The following PLCE1 variants were observed in gnomAD, a reference collection of about 807,000 sequenced individuals.
The protein encoded by PLCE1 is phospholipase C epsilon 1.
A neutral mutation model predicts 242.8 loss-of-function variants in PLCE1; 119 were observed. That is an observed-to-expected ratio of 0.49 (90% confidence interval 0.42 to 0.57). The LOEUF (loss-of-function observed/expected upper bound fraction) is 0.57. PLCE1 is among the 20% of genes least tolerant of loss of function. PLCE1 has a pLI of 0.00. For synonymous variants in PLCE1, 945 were observed against 1,017.4 expected, an observed-to-expected ratio of 0.93 and a Z score of 1.35; for missense variants, 2,441 against 2,788.8, an observed-to-expected ratio of 0.88 and a Z score of 2.81.
chr10:94,231,579 T>C (rs9325467), intron 5 of PLCE1, among the ~76,000 whole-genome samples: 98,276 of 145,816 alleles, frequency 0.67, 32,367 homozygotes, highest in East Asian at 0.92. Flanking sequence ...GTCTTGCAAA[T>C]TTAAGGCTGT....
chr10:94,067,509 G>A (rs1439807229), intron 2 of PLCE1, among the ~76,000 whole-genome samples: 1 of 152,150 alleles, frequency 6.6e-6, no homozygotes, highest in African/African-American at 2.4e-5. Context: ...TCAGGTTCAA[G>A]GCAGGATACA....
At chr10:94,204,911 A>G (rs796870787) in intron 4 of PLCE1, among the ~76,000 whole-genome samples, 40 of 152,320 alleles carry the variant, frequency 2.6e-4, no homozygotes, top group African/African-American at 9.4e-4. Context: ...TTGATTGTTA[A>G]TAAAAAGACA....
At chr10:94,271,555 C>T (rs1330659863) in intron 18 of PLCE1, among the ~76,000 whole-genome samples, 2 of 151,874 alleles carry the variant, frequency 1.3e-5, no homozygotes, top group East Asian at 3.9e-4. Flanking sequence ...ACCTCATGAT[C>T]CACCCACCTC....
chr10:94,119,598 C>G (rs1037526185), intron 2 of PLCE1, among the ~76,000 whole-genome samples: 2 of 152,140 alleles, frequency 1.3e-5, no homozygotes, highest in Admixed American at 1.3e-4. Context: ...CCCTAGCTAA[C>G]TCTTACTGTC....
chr10:94,265,788 C>T lies in PLCE1; in HGVS notation c.4116-5C>T. On this transcript the variant is annotated splice_polypyrimidine_tract_variant and splice_region_variant and intron_variant, in intron 15 of 32. Transcript: ENST00000371380. ...TGCAGTCTTAAGAAAATTTGTTTCA[C>T]CTAGGTTTCTGATGGATAAAGAAAA... 1.2e-6 allele frequency: 2 copies of T among 1,613,942 alleles called. No homozygotes were observed. Among genetic ancestry groups the T allele is most frequent in the Non-Finnish European group, 1.7e-6 (2 of 1,179,932 alleles).
chr10:94,096,900 C>T (rs949199936), intron 2 of PLCE1: 7 of 152,164 alleles, frequency 4.6e-5, no homozygotes, highest in African/African-American at 1.4e-4. Context: ...TTCATATCAG[C>T]GAGTCTGACT....
At chr10:94,280,198 AC>A (rs2052150364) in intron 20 of PLCE1, 1 of 449,694 alleles carries the variant, frequency 2.2e-6, no homozygotes, top group Non-Finnish European at 4.1e-6. Context: ...CCCTGTTTTC[AC>A]CCTTTAGTTT....
chr10:94,180,526 C>T (rs2048279447), intron 4 of PLCE1, among the ~76,000 whole-genome samples: 1 of 152,156 alleles, frequency 6.6e-6, no homozygotes, highest in Admixed American at 6.5e-5. Flanking sequence ...AGATTGCCCC[C>T]AAAATCTAAA....
chr10:94,133,560 G>T (rs73314211), intron 3 of PLCE1, among the ~76,000 whole-genome samples: 1 of 152,124 alleles, frequency 6.6e-6, no homozygotes, highest in Non-Finnish European at 1.5e-5. Context: ...AGGCCAGCAG[G>T]CCAATGACCT....
intron 4 of PLCE1, among the ~76,000 whole-genome samples, chr10:94,215,705 G>C (rs528436491): frequency 6.6e-6 from 1 of 152,264 alleles, no homozygotes; most frequent in South Asian, 2.1e-4. Flanking sequence ...ATGGGTAAAG[G>C]AAAGTTAGTG....
At chr10:94,320,474 GT>G (rs1213047408) in intron 29 of PLCE1, among the ~76,000 whole-genome samples, 1 of 152,202 alleles carries the variant, frequency 6.6e-6, no homozygotes, top group Non-Finnish European at 1.5e-5. Context: ...GCGCCACCTG[GT>G]GGCAGTTATC....
chr10:94,265,623 ACT>A (rs1491270941), intron 14 of PLCE1, 22 bp from the exon 15 acceptor site: 2 of 1,591,018 alleles, frequency 1.3e-6, no homozygotes, highest in Non-Finnish European at 1.7e-6. Context: ...CCTAAATAAC[ACT>A]TTTTTTTTTA....
chr10:94,010,915 C>A (rs1185407890), intron 1 of PLCE1, among the ~76,000 whole-genome samples: 1 of 152,180 alleles, frequency 6.6e-6, no homozygotes, highest in East Asian at 1.9e-4. Context: ...CAAACTTTCC[C>A]CCATCTTTCT....
chr10:94,064,994 G>T (rs552637959), intron 2 of PLCE1, among the ~76,000 whole-genome samples: 27 of 152,220 alleles, frequency 1.8e-4, no homozygotes, highest in Admixed American at 7.9e-4. Flanking sequence ...AGAGTATTTG[G>T]CACCAGGTTT....
intron 2 of PLCE1, among the ~76,000 whole-genome samples, chr10:94,042,166 C>T (rs1003300671): frequency 2.6e-5 from 4 of 152,190 alleles, no homozygotes; most frequent in African/African-American, 9.6e-5. Context: ...TTCTACCTCC[C>T]TCAGCAATGC....
chr10:94,179,692 G>A (rs1240699367), intron 4 of PLCE1, among the ~76,000 whole-genome samples: 1 of 151,362 alleles, frequency 6.6e-6, no homozygotes, highest in Non-Finnish European at 1.5e-5. Flanking sequence ...TTTTAGTAGA[G>A]ATGGGATTTC....
chr10:94,049,235 C>T (rs1482155340), intron 2 of PLCE1, among the ~76,000 whole-genome samples: 2 of 152,028 alleles, frequency 1.3e-5, no homozygotes, highest in Non-Finnish European at 2.9e-5. Flanking sequence ...TAAATGTTTT[C>T]TCTCTACCTA....
intron 27 of PLCE1, among the ~76,000 whole-genome samples, chr10:94,311,218 G>A (rs2133708147): frequency 6.6e-6 from 1 of 152,228 alleles, no homozygotes; most frequent in East Asian, 1.9e-4. Flanking sequence ...CATGACCTGG[G>A]CATGATTGGT....
At chr10:94,071,611 T>G (rs571030551) in intron 2 of PLCE1, among the ~76,000 whole-genome samples, 35 of 147,156 alleles carry the variant, frequency 2.4e-4, no homozygotes, top group Non-Finnish European at 3.7e-4. Flanking sequence ...ATCCTCCCGC[T>G]ACTCATCCTC....
Sources: gnomAD v4.1 joint callset for allele counts (sites outside exome capture counted in the v4.1 genomes callset) on GRCh38, gnomAD v4.1.1 for gene constraint, MANE v1.5 for transcripts, NCBI Gene and HGNC (gene_info 2026-07-23, HGNC 2026-07-21) for gene names.